KDM4C: variants seen among roughly 807,000 people sequenced by gnomAD.
The protein encoded by KDM4C is lysine demethylase 4C.
In KDM4C, 81 loss-of-function variants were observed where a neutral mutation model predicts 129.3. That is an observed-to-expected ratio of 0.63 (90% CI 0.52 to 0.75). KDM4C has a LOEUF of 0.75. Ranked by LOEUF, KDM4C falls within the 30% of genes least tolerant of loss-of-function variation. The probability of loss-of-function intolerance (pLI) is 0.00; values close to 1 mark genes in which losing one functional copy is unlikely to be tolerated. For synonymous variants in KDM4C, 573 were observed against 456.1 expected (o/e 1.26, Z -3.26); for missense variants, 1,457 against 1,304.0 (o/e 1.12, Z -1.81).
chr9:6,851,316 T>A (rs1448748578), intron 5 of KDM4C, among the ~76,000 whole-genome samples: 1 of 152,176 alleles, frequency 6.6e-6, no homozygotes, highest in Admixed American at 6.5e-5. Context: ...GAGCACATGC[T>A]TAAGGACAGG....
At chr9:6,875,291 G>A (rs1415282379) in intron 5 of KDM4C, among the ~76,000 whole-genome samples, 1 of 152,186 alleles carries the variant, frequency 6.6e-6, no homozygotes, top group East Asian at 1.9e-4. Flanking sequence ...TAGGATAGTA[G>A]GGAGGCAGGA....
intron 5 of KDM4C, among the ~76,000 whole-genome samples, chr9:6,874,572 C>CT (rs201979776): frequency 0.013 from 1,941 of 152,226 alleles, 59 homozygotes; most frequent in African/African-American, 0.045. Flanking sequence ...AATTAGATGA[C>CT]TTTTTTTGTG....
Position 7,174,600 on chromosome 9 carries a change from C to T in KDM4C, c.3042C>T (p.Asp1014=). Residue 1014 remains aspartate, a synonymous_variant, in exon 22 of 22, where the codon GAC becomes GAT. Coordinates refer to ENST00000381309, the MANE Select transcript of KDM4C (RefSeq NM_015061.6). ...TTGAAGACACGTTTTATGGAGCAGA[C>T]ATTATCCAAGGGGAGAGAAAGAGAC... ...MRFEDTFYGA[D]IIQGERKRQR... 1 of 1,614,180 alleles carries T rather than the reference C, an allele frequency of 6.2e-7. No homozygotes were observed. The highest frequency in any genetic ancestry group is 8.5e-7 in the Non-Finnish European group (1 of 1,180,008).
At position 6,770,555 on chromosome 9, in the gene KDM4C, C is replaced by G. The variant is rs76571882; in HGVS notation, c.-18+12352C>G. 3.0e-4 allele frequency among the ~76,000 whole-genome samples: 46 copies of G among 151,508 alleles called. No homozygotes were observed. The East Asian group carries it at 8.5e-3, about 28-fold the overall frequency. Reference sequence around the variant, plus strand: ...GATTGCATATGGCATGATAATACATCACATTCATTTCCCTCAAGTTTGTTT... The same window carrying G: ...GATTGCATATGGCATGATAATACATGACATTCATTTCCCTCAAGTTTGTTT... On this transcript the variant is annotated intron_variant, in intron 1 of 21. Coordinates refer to ENST00000381309, the MANE Select transcript of KDM4C (RefSeq NM_015061.6).
chr9:6,941,226 C>G (rs533309396), intron 8 of KDM4C, among the ~76,000 whole-genome samples: 43 of 152,282 alleles, frequency 2.8e-4, no homozygotes, highest in Admixed American at 1.4e-3. Context: ...CTGGGCTGGT[C>G]TCAAACTCCT....
chr9:7,034,302 C>G (rs1827271367), intron 15 of KDM4C, among the ~76,000 whole-genome samples: 1 of 152,144 alleles, frequency 6.6e-6, no homozygotes, highest in Admixed American at 6.5e-5. Flanking sequence ...AAATATAGAA[C>G]TTAGTCCTAT....
chr9:6,922,884 C>G (rs1426061436), intron 8 of KDM4C, among the ~76,000 whole-genome samples: 1 of 152,256 alleles, frequency 6.6e-6, no homozygotes, highest in Non-Finnish European at 1.5e-5. Context: ...CCCTCTCTGA[C>G]TCAAGCCACT....
At chr9:7,091,875 A>G (rs1835844989) in intron 17 of KDM4C, among the ~76,000 whole-genome samples, 1 of 152,200 alleles carries the variant, frequency 6.6e-6, no homozygotes, top group South Asian at 2.1e-4. Context: ...AAGGAAGAAG[A>G]GTTGGTGATG....
intron 3 of KDM4C, among the ~76,000 whole-genome samples, chr9:6,812,415 C>G (rs1038567514): frequency 1.3e-5 from 2 of 152,072 alleles, no homozygotes; most frequent in African/African-American, 4.8e-5. Context: ...GCAGTGGTCC[C>G]CAACCTTTTT....
chr9:6,925,458 T>TCTCCTCCC (rs1491014288), intron 8 of KDM4C: 1 of 315,342 alleles, frequency 3.2e-6, no homozygotes, highest in African/African-American at 3.4e-5. Context: ...CCCTTCCCCC[T>TCTCCTCCC]CTCCTCCCCT....
intron 19 of KDM4C, among the ~76,000 whole-genome samples, chr9:7,148,500 CA>C: frequency 6.6e-6 from 1 of 151,914 alleles, no homozygotes; most frequent in South Asian, 2.1e-4. Context: ...AGCTCTGGCT[CA>C]GGGAATTCCA....
intron 5 of KDM4C, among the ~76,000 whole-genome samples, chr9:6,863,009 A>G (rs1476113944): frequency 1.3e-5 from 2 of 152,172 alleles, no homozygotes; most frequent in Non-Finnish European, 2.9e-5. Context: ...TCATTGATAC[A>G]TAATAGTTAT....
At chr9:6,953,706 C>A (rs531790527) in intron 8 of KDM4C, among the ~76,000 whole-genome samples, 2 of 152,204 alleles carry the variant, frequency 1.3e-5, no homozygotes, top group East Asian at 3.9e-4. Context: ...TTTGAGAGAA[C>A]GGAGGATTTT....
intron 4 of KDM4C, among the ~76,000 whole-genome samples, chr9:6,836,431 A>C (rs1033871467): frequency 2.6e-5 from 4 of 152,202 alleles, no homozygotes; most frequent in Non-Finnish European, 5.9e-5. Flanking sequence ...ATATATGTAC[A>C]ATATATTTAA....
chr9:7,022,314 C>A (rs889816889), intron 15 of KDM4C, among the ~76,000 whole-genome samples: 2 of 151,940 alleles, frequency 1.3e-5, no homozygotes, highest in Non-Finnish European at 2.9e-5. Flanking sequence ...TTTTTTGTTT[C>A]CTCTTCAATT....
intron 19 of KDM4C, among the ~76,000 whole-genome samples, chr9:7,132,045 C>A (rs1314868288): frequency 6.6e-6 from 1 of 152,184 alleles, no homozygotes; most frequent in Admixed American, 6.5e-5. Context: ...ATGTTACTGG[C>A]TACTGAAGAA....
At chr9:6,916,834 A>G (rs954826469) in intron 8 of KDM4C, among the ~76,000 whole-genome samples, 1 of 152,274 alleles carries the variant, frequency 6.6e-6, no homozygotes, top group South Asian at 2.1e-4. Flanking sequence ...AATAGGTTCT[A>G]TTTTGGCTAA....
chr9:7,078,136 T>G (rs566628836), intron 17 of KDM4C, among the ~76,000 whole-genome samples: 2 of 152,358 alleles, frequency 1.3e-5, no homozygotes, highest in South Asian at 4.1e-4. Context: ...TCAAGGAATA[T>G]GCCATATTGT....
intron 4 of KDM4C, chr9:6,835,040 G>T: frequency 1.1e-6 from 1 of 947,268 alleles, no homozygotes; most frequent in South Asian, 1.3e-5. Flanking sequence ...ACCGAGCGTG[G>T]CTACAGCTTC....
Sources: allele counts gnomAD v4.1 joint callset (sites outside exome capture counted in the v4.1 genomes callset), GRCh38; gene constraint gnomAD v4.1.1; transcripts MANE v1.5; gene names NCBI Gene and HGNC (gene_info 2026-07-23, HGNC 2026-07-21).